Variants in POLR2F observed in about 807,000 individuals in gnomAD.
POLR2F encodes the protein RNA polymerase II, I and III subunit F, also known as DNA-directed RNA polymerases I, II, and III subunit RPABC2.
Under a neutral mutation model 22.7 loss-of-function variants are expected in POLR2F, and 12 were observed. The observed-to-expected ratio is 0.53, with a 90% confidence interval of 0.34 to 0.86. The LOEUF (loss-of-function observed/expected upper bound fraction) is 0.86. POLR2F is among the 40% of genes least tolerant of loss of function. The pLI, the probability that POLR2F is intolerant of heterozygous loss-of-function variation, is 0.02. For missense variants in POLR2F, 126 were observed against 171.5 expected (o/e 0.73, Z 1.48); for synonymous variants, 57 against 66.0 (o/e 0.86, Z 0.66).
chr22:37,956,717 C>T, intron 1 of POLR2F, 56 bp from the exon 2 acceptor site: 1 of 1,384,224 alleles, frequency 7.2e-7, no homozygotes, highest in Non-Finnish European at 1.0e-6. Context: ...GTGCCTGGCC[C>T]CTCTTTGATT....
At chr22:38,031,161 G>A (rs73886237), downstream of POLR2F, among the ~76,000 whole-genome samples, 144 of 152,246 alleles carry the variant, frequency 9.5e-4, no homozygotes, top group Non-Finnish European at 1.9e-3. The surrounding 1 kb of genome is among the most constrained non-coding windows in gnomAD (Gnocchi z 4.1). Flanking sequence ...CTTCCAAGAC[G>A]CAGGGGTTAA....
intron 5 of POLR2F, among the ~76,000 whole-genome samples, chr22:38,036,984 C>T (rs978131002): frequency 6.6e-6 from 1 of 152,218 alleles, no homozygotes; most frequent in African/African-American, 2.4e-5. Flanking sequence ...ACCACCATGT[C>T]TAACATAACA....
At chr22:37,983,684 T>C (rs2145777610), upstream of POLR2F, 3 of 1,554,844 alleles carry the variant, frequency 1.9e-6, no homozygotes, top group Non-Finnish European at 2.6e-6. This position sits in a 1 kb window ranked among gnomAD's most constrained non-coding sequence, Gnocchi z 9.5. Flanking sequence ...GCCGCCGCCG[T>C]CGGGCCCTAG....
chr22:37,957,939 C>T (rs9610885), intron 2 of POLR2F, among the ~76,000 whole-genome samples: 6,348 of 152,248 alleles, frequency 0.042, 203 homozygotes, highest in Middle Eastern at 0.071. Flanking sequence ...GCAGAATATT[C>T]GCAACAGAGT....
At position 37,986,973 on chromosome 22, in the gene POLR2F, C is replaced by T. The variant is rs558764931; in HGVS notation, c.120+661C>T. ...AACAGGAGGGCCAGTGTCACCTTCTCCTCCTTTCCCTGCTGGGGGTGGCAG... is the reference window on the plus strand; with the variant it reads ...AACAGGAGGGCCAGTGTCACCTTCTTCTCCTTTCCCTGCTGGGGGTGGCAG... On this transcript the variant is annotated intron_variant, in intron 1 of 2. Coordinates refer to the POLR2F transcript ENST00000333418. This position sits in a 1 kb window ranked among gnomAD's most constrained non-coding sequence, Gnocchi z 4.7. The T allele has an allele frequency of 3.0e-4, 138 of 453,240 alleles. No homozygotes were observed. Among genetic ancestry groups the T allele is most frequent in the African/African-American group, 2.5e-3 (127 of 50,110 alleles). 28.1% of individuals were successfully genotyped at this position (453,240 alleles called of 1,614,324 possible). A position where few individuals can be genotyped will look rare whatever the true frequency, so the allele number is the denominator to read the frequency against.
intron 1 of POLR2F, among the ~76,000 whole-genome samples, chr22:38,010,607 T>G (rs1257364003): frequency 1.5e-5 from 2 of 129,558 alleles, no homozygotes; most frequent in South Asian, 2.8e-4. Flanking sequence ...CTTGTGTTTT[T>G]TTTTTTTTTT....
intron 1 of POLR2F, chr22:38,025,842 A>G: frequency 1.6e-6 from 2 of 1,255,434 alleles, no homozygotes; most frequent in Non-Finnish European, 2.3e-6. Context: ...TATGAAACTC[A>G]CTTCACCAAG....
chr22:37,962,749 G>T lies in POLR2F; in HGVS notation c.221+3273G>T, dbSNP rs1931697588. Among the ~76,000 whole-genome samples the T allele has an allele frequency of 2.0e-5, 3 of 152,072 alleles. No individual in the cohort carries two copies. The South Asian group carries it at 6.2e-4, about 31-fold the overall frequency. Reference sequence around the variant, plus strand: ...TCTGTCACCCAGGCTGGAGTGCAGTGGCACAGTCTTGGCTCACTGCAAGCT... The same window carrying T: ...TCTGTCACCCAGGCTGGAGTGCAGTTGCACAGTCTTGGCTCACTGCAAGCT... On this transcript the variant is annotated intron_variant, in intron 3 of 4. Transcript: ENST00000442738.
intron 1 of POLR2F, among the ~76,000 whole-genome samples, chr22:38,023,030 A>G (rs1337014159): frequency 6.6e-6 from 1 of 152,218 alleles, no homozygotes; most frequent in Non-Finnish European, 1.5e-5. Context: ...CAAACAGACA[A>G]AAAAACAAAC....
At chr22:38,008,691 C>A (rs1190508524) in intron 1 of POLR2F, among the ~76,000 whole-genome samples, 1 of 151,632 alleles carries the variant, frequency 6.6e-6, no homozygotes, top group Non-Finnish European at 1.5e-5. Flanking sequence ...GGCCACATGG[C>A]GAGATCCCGT....
rs767434161 is a variant in POLR2F, at chr22:37,968,601, T to C, written c.*886T>C. On this transcript the variant is annotated 3_prime_UTR_variant, in exon 5 of 5. Transcript: ENST00000442738. ...GTCCTCTTCCTTTCTCCACCCTGCT[T>C]ACCCAACCTGAGGTAAGACCAGTCA... is the stretch of plus-strand genomic sequence containing the variant. 30 of 985,526 alleles carry C rather than the reference T, an allele frequency of 3.0e-5. No homozygotes were observed. The highest frequency in any genetic ancestry group is 6.1e-5 in the Admixed American group (1 of 16,270). 61.0% of individuals were successfully genotyped at this position (985,526 alleles called of 1,614,324 possible).
At chr22:37,998,433 CACTT>C (rs1320706503) in intron 1 of POLR2F, among the ~76,000 whole-genome samples, 2 of 152,140 alleles carry the variant, frequency 1.3e-5, no homozygotes, top group East Asian at 1.9e-4. Flanking sequence ...CTGGGCCTCA[CACTT>C]ACATCTGGAC....
At chr22:38,007,729 A>G (rs2084834974) in intron 1 of POLR2F, among the ~76,000 whole-genome samples, 1 of 152,192 alleles carries the variant, frequency 6.6e-6, no homozygotes, top group South Asian at 2.1e-4. Flanking sequence ...TTGCTGAATT[A>G]ACAAATGCCT....
downstream of POLR2F, chr22:37,973,996 G>A: frequency 1.2e-6 from 2 of 1,613,338 alleles, no homozygotes; most frequent in African/African-American, 1.3e-5. Context: ...TGGGCGGCAG[G>A]TACTGGTCCA....
At chr22:38,021,419 C>A (rs2084959271) in intron 1 of POLR2F, among the ~76,000 whole-genome samples, 1 of 152,080 alleles carries the variant, frequency 6.6e-6, no homozygotes, top group African/African-American at 2.4e-5. Flanking sequence ...CTAATTTCTC[C>A]CATCTGTTAA....
chr22:37,994,839 A>G (rs1441530726), intron 1 of POLR2F, among the ~76,000 whole-genome samples: 1 of 152,122 alleles, frequency 6.6e-6, no homozygotes, highest in Non-Finnish European at 1.5e-5. Flanking sequence ...ACAGGGTTTC[A>G]CAATGTTACC....
At position 37,986,556 on chromosome 22, in the gene POLR2F, T is replaced by A; in HGVS notation, c.120+244T>A. The A allele has an allele frequency of 1.1e-6, 1 of 890,674 alleles. No individual in the cohort carries two copies. The highest frequency in any genetic ancestry group is 1.8e-6 in the Non-Finnish European group (1 of 558,668). The allele number at this position is 890,674 out of a possible 1,614,324, so 55.2% of individuals were successfully genotyped here. A position where few individuals can be genotyped will look rare whatever the true frequency, so the allele number is the denominator to read the frequency against. On this transcript the variant is annotated intron_variant, in intron 1 of 2. Transcript: ENST00000333418. The surrounding 1 kb of genome is among the most constrained non-coding windows in gnomAD (Gnocchi z 4.7). ...GCCAGGATGGGGGTGGGGGTAGCAGTGGGCACGCTCTGTCTGCAGGAAGCC... is the reference window on the plus strand; with the variant it reads ...GCCAGGATGGGGGTGGGGGTAGCAGAGGGCACGCTCTGTCTGCAGGAAGCC...
intron 2 of POLR2F, among the ~76,000 whole-genome samples, chr22:37,957,217 G>T (rs1330804510): frequency 6.6e-6 from 1 of 152,204 alleles, no homozygotes; most frequent in African/African-American, 2.4e-5. Context: ...GCAGTATTTT[G>T]TAGCCTAAAG....
At chr22:37,966,333 G>A (rs1465222303) in intron 3 of POLR2F, among the ~76,000 whole-genome samples, 2 of 151,810 alleles carry the variant, frequency 1.3e-5, no homozygotes, top group African/African-American at 4.8e-5. Context: ...GGCAAACAGG[G>A]ACCAGACTGC....
Sources: gnomAD v4.1 joint callset for allele counts (sites outside exome capture counted in the v4.1 genomes callset) on GRCh38, gnomAD v4.1.1 for gene constraint, Gnocchi (gnomAD v3.1) non-coding constraint, MANE v1.5 for transcripts, NCBI Gene and HGNC (gene_info 2026-07-23, HGNC 2026-07-21) for gene names.